COL14A1: variants seen among roughly 807,000 people sequenced by gnomAD.
COL14A1 encodes the protein collagen alpha-1(XIV) chain.
Under a neutral mutation model 230.3 loss-of-function variants are expected in COL14A1, and 136 were observed. That is an observed-to-expected ratio of 0.59 (90% confidence interval 0.51 to 0.68). COL14A1 has a LOEUF of 0.68. COL14A1 is among the 30% of genes least tolerant of loss of function. COL14A1 has a pLI of 0.00. For synonymous variants in COL14A1, 792 were observed against 784.1 expected (o/e 1.01, Z -0.17); for missense variants, 1,976 against 2,215.8 (o/e 0.89, Z 2.17).
At chr8:120,189,068 T>C (rs1403073472) in intron 5 of COL14A1, among the ~76,000 whole-genome samples, 4 of 152,252 alleles carry the variant, frequency 2.6e-5, no homozygotes, top group Non-Finnish European at 4.4e-5. Flanking sequence ...AAGACAATGA[T>C]TTGAATGCAT....
chr8:120,312,960 T>C (rs950717085), intron 37 of COL14A1, among the ~76,000 whole-genome samples: 13 of 152,222 alleles, frequency 8.5e-5, no homozygotes, highest in African/African-American at 2.4e-4. Flanking sequence ...TTGGGTCTAA[T>C]ATTTCTTACA....
chr8:120,228,981 G>T (rs908836259), intron 18 of COL14A1, among the ~76,000 whole-genome samples: 1 of 151,884 alleles, frequency 6.6e-6, no homozygotes, highest in African/African-American at 2.4e-5. Flanking sequence ...TGATCTCACT[G>T]ATACATCACT....
Position 120,225,144 on chromosome 8 carries a change from G to C in COL14A1, c.1794G>C (p.Glu598Asp). Residue 598 changes from glutamate (E) to aspartate (D), a missense_variant, in exon 15 of 48, where the codon GAG becomes GAC. Around this residue, in one of 3 missense-constraint regions of COL14A1, gnomAD observed 1,791 missense variants for 2,019.5 expected, o/e 0.89. Transcript: ENST00000297848. The stretch of plus-strand genomic sequence containing the variant: ...TGAAGGGCTTGACACCTCTCACAGA[G>C]TATACTATTGCTATTTTCTCCATCT... ...FPLKGLTPLT[E>D]YTIAIFSIYD... The C allele has an allele frequency of 6.2e-7, 1 of 1,612,744 alleles. No homozygotes were observed. The highest frequency in any genetic ancestry group is 8.5e-7 in the Non-Finnish European group (1 of 1,179,582).
At chr8:120,257,073 T>C (rs1819178092) in intron 23 of COL14A1, among the ~76,000 whole-genome samples, 1 of 152,208 alleles carries the variant, frequency 6.6e-6, no homozygotes, top group Non-Finnish European at 1.5e-5. Flanking sequence ...TATCAGAGGA[T>C]ATGATTGATT....
chr8:120,200,766 T>TATATATATATA (rs1817223836), intron 8 of COL14A1, among the ~76,000 whole-genome samples: 1 of 121,354 alleles, frequency 8.2e-6, no homozygotes. Context: ...TATATATATA[T>TATATATATATA]TATTTTTCAT....
chr8:120,135,918 T>C (rs1290188051), intron 1 of COL14A1, among the ~76,000 whole-genome samples: 2 of 152,162 alleles, frequency 1.3e-5, no homozygotes, highest in Admixed American at 6.5e-5. Flanking sequence ...TTTTCTGCTA[T>C]TATATAAGAA....
chr8:120,201,998 T>C (rs1817265128), intron 8 of COL14A1, among the ~76,000 whole-genome samples: 1 of 152,184 alleles, frequency 6.6e-6, no homozygotes, highest in Non-Finnish European at 1.5e-5. Context: ...AAAAGCATTA[T>C]TGGCACTGCT....
intron 41 of COL14A1, 88 bp downstream of exon 41, chr8:120,332,282 C>T: frequency 8.0e-7 from 1 of 1,248,544 alleles, no homozygotes; most frequent in Non-Finnish European, 1.2e-6. Flanking sequence ...GATCTTTTAC[C>T]AGCAGCCGTC....
intron 5 of COL14A1, among the ~76,000 whole-genome samples, chr8:120,175,779 T>C (rs1449695747): frequency 1.3e-5 from 2 of 152,214 alleles, no homozygotes; most frequent in African/African-American, 4.8e-5. Flanking sequence ...TCTTAGAATG[T>C]TTAAAATTTT....
chr8:120,230,387 T>C (rs553599055), intron 18 of COL14A1, among the ~76,000 whole-genome samples: 74 of 152,294 alleles, frequency 4.9e-4, no homozygotes, highest in Non-Finnish European at 8.8e-4. Context: ...CTAAGACACT[T>C]CAATGGCTCT....
intron 5 of COL14A1, among the ~76,000 whole-genome samples, chr8:120,176,645 G>C (rs1482066355): frequency 6.6e-6 from 1 of 152,132 alleles, no homozygotes; most frequent in Admixed American, 6.6e-5. Context: ...CAGGGAACTA[G>C]ATGGGTCTTG....
rs1554603200 is a variant in COL14A1 at position 120,182,726 on chromosome 8, G to GGTTTTTTTTTTT, written c.437-14065_437-14064insGTTTTTTTTTTT. ...AACTTAATTTTTTTTATTTTTCTTC[G>GGTTTTTTTTTTT]TTTTTTTTTTTTTTTTTTGAGGTGG... On this transcript the variant is annotated intron_variant, in intron 5 of 47. Transcript: ENST00000297848. Among the ~76,000 whole-genome samples, 4 of 129,014 alleles carry GGTTTTTTTTTTT rather than the reference G, an allele frequency of 3.1e-5. 1 individual carries two copies. The highest frequency in any genetic ancestry group is 8.6e-5 in the African/African-American group (3 of 34,948). 84.6% of individuals were successfully genotyped at this position (129,014 alleles called of 152,430 possible).
intron 18 of COL14A1, 22 bp downstream of exon 18, chr8:120,228,791 C>T: frequency 6.2e-7 from 1 of 1,604,996 alleles, no homozygotes; most frequent in Non-Finnish European, 8.5e-7. Flanking sequence ...TAGTAGCCTG[C>T]TTAACCACTT....
chr8:120,371,623 A>G lies in COL14A1; in HGVS notation c.*392A>G, dbSNP rs928739390. 3.0e-5 allele frequency: 12 copies of G among 398,658 alleles called. No homozygotes were observed. Among genetic ancestry groups the G allele is most frequent in the Middle Eastern group, 1.3e-3 (2 of 1,582 alleles). The allele number at this position is 398,658 out of a possible 1,614,324, so 24.7% of individuals were successfully genotyped here. A position where few individuals can be genotyped will look rare whatever the true frequency, so the allele number is the denominator to read the frequency against. ...ATGTCCCTAGCAGGAAAAGAATTCA[A>G]AGAGGTTCAAAGAATATGTCACTTA... On this transcript the variant is annotated 3_prime_UTR_variant, in exon 48 of 48. Transcript: ENST00000297848.
intron 11 of COL14A1, 129 bp from the exon 12 acceptor site, chr8:120,209,627 A>T (rs1817558726): frequency 1.1e-6 from 1 of 896,188 alleles, no homozygotes; most frequent in Admixed American, 2.7e-5. Flanking sequence ...TAACCCAGGA[A>T]CTTGCAATTT....
At chr8:120,253,701 A>G (rs908248049) in intron 22 of COL14A1, among the ~76,000 whole-genome samples, 5 of 152,144 alleles carry the variant, frequency 3.3e-5, no homozygotes, top group Admixed American at 1.3e-4. Flanking sequence ...AGGCAGGTGG[A>G]TCACCTGAGG....
chr8:120,278,229 A>G lies in COL14A1; in HGVS notation c.3332A>G (p.Lys1111Arg). The G allele has an allele frequency of 6.2e-7, 1 of 1,606,818 alleles. No homozygotes were observed. Among genetic ancestry groups the G allele is most frequent in the African/African-American group, 1.3e-5 (1 of 74,516 alleles). Residue 1111 changes from lysine (K) to arginine (R), a missense_variant, in exon 27 of 48, where the codon AAA becomes AGA. Coordinates refer to ENST00000297848, the MANE Select transcript of COL14A1 (RefSeq NM_021110.4). ...KHISYKGGNT[K>R]TGKAIKYVRD... is the part of the protein sequence containing the mutation. ...ATTTCATACAAAGGAGGAAATACAAAAACAGGTATGACCAAAAGAAGCCCA... is the reference window on the plus strand; with the variant it reads ...ATTTCATACAAAGGAGGAAATACAAGAACAGGTATGACCAAAAGAAGCCCA...
rs1362457944 is a variant in COL14A1 at position 120,337,602 on chromosome 8, A to G, written c.4786-3723A>G. On this transcript the variant is annotated intron_variant, in intron 42 of 47. Transcript: ENST00000297848. The stretch of plus-strand genomic sequence containing the variant: ...TAATATGTAGGACTTGAACCACAAG[A>G]TCATTCCTCTTCCTTCCAGCGCTAA... 2.6e-5 allele frequency among the ~76,000 whole-genome samples: 4 copies of G among 152,116 alleles called. No individual in the cohort carries two copies. In the East Asian group the frequency reaches 7.7e-4, roughly 29 times the overall value.
chr8:120,198,367 G>A lies in COL14A1; in HGVS notation c.712+437G>A, dbSNP rs1817116688. On this transcript the variant is annotated intron_variant, in intron 7 of 47. Coordinates refer to ENST00000297848, the MANE Select transcript of COL14A1 (RefSeq NM_021110.4). Reference sequence around the variant, plus strand: ...ATATTGTGAAATAATTTTCTAAAAAGTCAAGATCCTCTCTTTTCATAATAA... The same window carrying A: ...ATATTGTGAAATAATTTTCTAAAAAATCAAGATCCTCTCTTTTCATAATAA... Among the ~76,000 whole-genome samples the A allele has an allele frequency of 2.0e-5, 3 of 152,184 alleles. No individual in the cohort carries two copies. The South Asian group carries it at 6.2e-4, about 32-fold the overall frequency.
Sources: allele counts gnomAD v4.1 joint callset (sites outside exome capture counted in the v4.1 genomes callset), GRCh38; gene constraint gnomAD v4.1.1; regional missense constraint gnomAD v4.1.1; transcripts MANE v1.5; gene names NCBI Gene and HGNC (gene_info 2026-07-23, HGNC 2026-07-21).